The following PODXL2 variants were observed in gnomAD, a reference collection of about 807,000 sequenced individuals.
PODXL2 encodes the protein podocalyxin-like protein 2.
In PODXL2, 17 loss-of-function variants were observed where a neutral mutation model predicts 53.4. That is an observed-to-expected ratio of 0.32 (90% confidence interval 0.22 to 0.48). The LOEUF is 0.48. PODXL2 is among the 20% of genes least tolerant of loss of function. The probability of loss-of-function intolerance (pLI) is 0.99; values close to 1 mark genes in which losing one functional copy is unlikely to be tolerated. For synonymous variants in PODXL2, 311 were observed against 306.7 expected (o/e 1.01, Z -0.15); for missense variants, 673 against 760.0 (o/e 0.89, Z 1.35).
At chr3:127,642,147 A>T (rs770561214) in intron 2 of PODXL2, among the ~76,000 whole-genome samples, 1 of 151,844 alleles carries the variant, frequency 6.6e-6, no homozygotes, top group Non-Finnish European at 1.5e-5. Context: ...AAAATTAGCC[A>T]GGTGTGGTGG....
At chr3:127,661,465 T>G (rs2074767151) in intron 3 of PODXL2, among the ~76,000 whole-genome samples, 1 of 151,472 alleles carries the variant, frequency 6.6e-6, no homozygotes, top group African/African-American at 2.4e-5. Flanking sequence ...AGATGGAGTC[T>G]CACTCTGTCG....
chr3:127,656,337 C>A (rs188134031), intron 2 of PODXL2, among the ~76,000 whole-genome samples: 1 of 152,298 alleles, frequency 6.6e-6, no homozygotes, highest in African/African-American at 2.4e-5. Flanking sequence ...TGCCTGTAAT[C>A]CTGGAACTTT....
Position 127,671,435 on chromosome 3 carries a change from T to C in PODXL2, c.1427T>C (p.Ile476Thr). ...GAAACTGGCCCCTCCCACCCCTAGA[T>C]TGGCATCCAGAACTATTCCACAACC... ...LGDIRRSLEE[I>T]GIQNYSTTSS... The change falls in exon 7 of 8, where the codon ATT becomes ACT. Residue 476 changes from isoleucine (I) to threonine (T), a missense_variant and splice_region_variant. Ile to Thr is a moderately conservative substitution (Grantham distance 89). Coordinates refer to ENST00000342480, the MANE Select transcript of PODXL2 (RefSeq NM_015720.4). 1 of 1,613,144 alleles carries C rather than the reference T, an allele frequency of 6.2e-7. No homozygotes were observed. The highest frequency in any genetic ancestry group is 8.5e-7 in the Non-Finnish European group (1 of 1,179,296).
chr3:127,671,372 C>T (rs2074835482), intron 6 of PODXL2, 62 bp from the exon 7 acceptor site: 10 of 1,528,442 alleles, frequency 6.5e-6, no homozygotes, highest in African/African-American at 2.7e-5. Flanking sequence ...AATGCAACCA[C>T]CCCAGAGGAG....
Position 127,639,512 on chromosome 3 carries a change from G to A in PODXL2, c.338G>A (p.Gly113Glu), listed in dbSNP as rs770515153. The change falls in exon 2 of 8, where the codon GGA becomes GAA. Residue 113 changes from glycine (G) to glutamate (E), a missense_variant. Transcript: ENST00000342480. ...CTGAATGACTCAAGTCTGGACCTGG[G>A]ACCCACTGCAGGTAGCTCTTCTTAC... ...EELNDSSLDL[G>E]PTADYVFPDL... 1.2e-6 allele frequency: 2 copies of A among 1,612,358 alleles called. No individual in the cohort carries two copies. The highest frequency in any genetic ancestry group is 1.7e-6 in the Non-Finnish European group (2 of 1,179,028).
chr3:127,652,542 C>T (rs925389725), intron 2 of PODXL2, among the ~76,000 whole-genome samples: 3 of 152,148 alleles, frequency 2.0e-5, no homozygotes, highest in Non-Finnish European at 4.4e-5. Context: ...AGGCCCAGCC[C>T]GAGCCTCTCC....
At chr3:127,671,706 C>T (rs545848434) in intron 7 of PODXL2, 93 bp downstream of exon 7, 6 of 1,259,346 alleles carry the variant, frequency 4.8e-6, no homozygotes, top group African/African-American at 1.5e-5. Flanking sequence ...AGTGACTCTC[C>T]TGGGCGCACA....
In PODXL2 at chr3:127,661,112, G is replaced by A. The variant is rs115718971; in HGVS notation, c.1084G>A (p.Gly362Arg). 80 of 1,614,182 alleles carry A rather than the reference G, an allele frequency of 5.0e-5. No individual in the cohort carries two copies. In the Middle Eastern group the frequency reaches 1.2e-3, roughly 23 times the overall value. ...QEDLNQQLLE[G>R]QAAEAQSRIP... ...AGATCTCAACCAGCAGCTCCTAGAA[G>A]GGCAGGCAGCTGAAGCTCAATCCAG... Residue 362 changes from glycine to arginine, a missense_variant, in exon 3 of 8, where the codon GGG becomes AGG. By Grantham distance (125) the Gly-to-Arg change is moderately radical. Around this residue, in one of 3 missense-constraint regions of PODXL2, gnomAD observed 588 missense variants for 668.3 expected, o/e 0.88. Coordinates refer to ENST00000342480, the MANE Select transcript of PODXL2 (RefSeq NM_015720.4).
At chr3:127,671,127 G>A (rs1470723105) in intron 6 of PODXL2, among the ~76,000 whole-genome samples, 1 of 152,204 alleles carries the variant, frequency 6.6e-6, no homozygotes, top group Non-Finnish European at 1.5e-5. Context: ...AGCAGCATGG[G>A]TCCACTCTCA....
chr3:127,648,274 C>T (rs1038962712), intron 2 of PODXL2, among the ~76,000 whole-genome samples: 3 of 152,154 alleles, frequency 2.0e-5, no homozygotes, highest in East Asian at 1.9e-4. Flanking sequence ...GAAAGCAGAC[C>T]GACCGAGCAG....
At chr3:127,666,574 A>AT in intron 4 of PODXL2, among the ~76,000 whole-genome samples, 1 of 152,020 alleles carries the variant, frequency 6.6e-6, no homozygotes, top group Non-Finnish European at 1.5e-5. Flanking sequence ...TACTTGGTTA[A>AT]TTTTTTTGCA....
rs1179405012 is a variant in PODXL2, at chr3:127,672,436, G to A, written c.1774G>A (p.Asp592Asn). Residue 592 changes from aspartate (D) to asparagine (N), a missense_variant, in exon 8 of 8, where the codon GAC (aspartate) becomes AAC (asparagine). This residue lies in a region of PODXL2 where 79 missense variants were observed against 70.5 expected (regional missense o/e 1.12). Coordinates refer to ENST00000342480, the MANE Select transcript of PODXL2 (RefSeq NM_015720.4). ...SWGALMGGKR[D>N]PEDSDVFEED... ...GGGGGCGCTCATGGGGGGCAAGCGG[G>A]ACCCCGAGGACTCGGACGTGTTCGA... is the stretch of plus-strand genomic sequence containing the variant. 5 of 1,539,238 alleles carry A rather than the reference G, an allele frequency of 3.2e-6. No homozygotes were observed. The highest frequency in any genetic ancestry group is 4.4e-6 in the Non-Finnish European group (5 of 1,144,800).
At chr3:127,645,999 G>T (rs139767807) in intron 2 of PODXL2, among the ~76,000 whole-genome samples, 445 of 152,298 alleles carry the variant, frequency 2.9e-3, no homozygotes, top group Non-Finnish European at 4.6e-3. Context: ...GGCCATTAGG[G>T]ACATTGAACT....
intron 2 of PODXL2, among the ~76,000 whole-genome samples, chr3:127,653,664 A>G (rs1044927087): frequency 8.6e-5 from 13 of 151,456 alleles, no homozygotes; most frequent in Admixed American, 2.0e-4. Context: ...AAAAAAAAAA[A>G]AGAGAGAAAG....
chr3:127,661,956 C>G (rs1333182838), intron 3 of PODXL2, among the ~76,000 whole-genome samples: 2 of 152,230 alleles, frequency 1.3e-5, no homozygotes, highest in Non-Finnish European at 2.9e-5. Context: ...GGGGCAAGCT[C>G]TCTGCAGCCT....
At chr3:127,639,868 A>T (rs1163093149) in intron 2 of PODXL2, among the ~76,000 whole-genome samples, 1 of 152,258 alleles carries the variant, frequency 6.6e-6, no homozygotes, top group Non-Finnish European at 1.5e-5. Context: ...GAGGTCAAAC[A>T]GCAGCTCAGA....
intron 2 of PODXL2, among the ~76,000 whole-genome samples, chr3:127,659,497 T>C (rs1361705461): frequency 6.6e-6 from 1 of 152,222 alleles, no homozygotes; most frequent in Non-Finnish European, 1.5e-5. Context: ...ATTTTAAAAC[T>C]ACAATATTTA....
intron 2 of PODXL2, among the ~76,000 whole-genome samples, chr3:127,641,058 T>C (rs2074615760): frequency 6.6e-6 from 1 of 152,010 alleles, no homozygotes; most frequent in South Asian, 2.1e-4. Context: ...ATTACAGGCA[T>C]GCGCCATCAC....
At chr3:127,655,728 G>T (rs547716306) in intron 2 of PODXL2, among the ~76,000 whole-genome samples, 4 of 152,386 alleles carry the variant, frequency 2.6e-5, no homozygotes, top group East Asian at 3.9e-4. Flanking sequence ...CCAAGTGCCA[G>T]TGAGCAAGCG....
Sources: allele counts gnomAD v4.1 joint callset (sites outside exome capture counted in the v4.1 genomes callset), GRCh38; gene constraint gnomAD v4.1.1; regional missense constraint gnomAD v4.1.1; transcripts MANE v1.5; gene names NCBI Gene and HGNC (gene_info 2026-07-23, HGNC 2026-07-21).